The following NFIA variants were observed in gnomAD, a reference collection of about 807,000 sequenced individuals.
NFIA encodes nuclear factor 1 A-type.
Under a neutral mutation model 62.8 loss-of-function variants are expected in NFIA, and 8 were observed. The ratio of observed to expected loss-of-function variants is 0.13; its 90% CI spans 0.07 to 0.23. The LOEUF is 0.23. NFIA is among the 10% of genes least tolerant of loss of function. NFIA has a pLI of 1.00. For missense variants in NFIA, 410 were observed against 642.1 expected (o/e 0.64, Z 3.91); for synonymous variants, 235 against 238.1 (o/e 0.99, Z 0.12).
At chr1:61,444,442 G>A (rs1018571790) in intron 10 of NFIA, among the ~76,000 whole-genome samples, 2 of 152,114 alleles carry the variant, frequency 1.3e-5, no homozygotes, top group South Asian at 4.1e-4. Context: ...CCTTCACCAA[G>A]CCTTGGAAAC....
intron 2 of NFIA, among the ~76,000 whole-genome samples, chr1:61,135,061 CAG>C (rs1171017876): frequency 1.3e-5 from 2 of 152,170 alleles, no homozygotes; most frequent in Non-Finnish European, 2.9e-5. Context: ...TTTTTTCTAT[CAG>C]AATTCTTAAA....
In NFIA at chr1:61,459,477, T is replaced by A. The variant is rs1668445361; in HGVS notation, c.*4157T>A. On this transcript the variant is annotated 3_prime_UTR_variant, in exon 11 of 11. Transcript: ENST00000403491. ...CTCTTTCCTCTGAGGTTTGAACTGA[T>A]GTTCTGTGTCTTCACACCCTGGCAT... 6.6e-6 allele frequency: 1 copy of A among 152,336 alleles called. No individual in the cohort carries two copies. 9.4% of individuals were successfully genotyped at this position (152,336 alleles called of 1,614,324 possible).
intron 2 of NFIA, among the ~76,000 whole-genome samples, chr1:61,251,837 A>AGAATTT (rs373269038): frequency 1.3e-3 from 197 of 152,346 alleles, no homozygotes; most frequent in African/African-American, 4.5e-3. Context: ...AATAGAGTTC[A>AGAATTT]GAATTTGAAA....
In NFIA at chr1:61,328,895, G is replaced by A. The variant is rs1441808551; in HGVS notation, c.626-3617G>A. On this transcript the variant is annotated intron_variant, in intron 3 of 10. Coordinates refer to ENST00000403491, the MANE Select transcript of NFIA (RefSeq NM_001134673.4). ...ACGTCACTACAGCCGGCTAATTTTT[G>A]TATTTTTAGTAGAGACAGGGTTTCA... is the stretch of plus-strand genomic sequence containing the variant. 3.4e-5 allele frequency among the ~76,000 whole-genome samples: 5 copies of A among 148,694 alleles called. No individual in the cohort carries two copies. The Admixed American group carries it at 3.4e-4, about 10-fold the overall frequency.
At chr1:61,139,910 T>A (rs2100503827) in intron 2 of NFIA, among the ~76,000 whole-genome samples, 1 of 148,286 alleles carries the variant, frequency 6.7e-6, no homozygotes, top group African/African-American at 2.5e-5. Context: ...AAAGTTGGTA[T>A]CTGCTAATGG....
intron 2 of NFIA, among the ~76,000 whole-genome samples, chr1:61,116,801 C>T (rs763275668): frequency 1.1e-4 from 17 of 152,106 alleles, no homozygotes; most frequent in Non-Finnish European, 2.4e-4. Context: ...ATGGAGTATT[C>T]TAAATGAGCA....
intron 10 of NFIA, 74 bp from the exon 11 acceptor site, chr1:61,455,229 T>G: frequency 1.3e-6 from 2 of 1,551,932 alleles, no homozygotes; most frequent in Non-Finnish European, 1.8e-6. Flanking sequence ...GATTTCGTGG[T>G]TGAAAAGGCA....
chr1:61,339,702 C>A (rs1376897031), intron 4 of NFIA, among the ~76,000 whole-genome samples: 1 of 152,124 alleles, frequency 6.6e-6, no homozygotes, highest in African/African-American at 2.4e-5. Flanking sequence ...AAGCTGGCAG[C>A]AAGTGCAATG....
Position 61,436,889 on chromosome 1 carries a change from C to T in NFIA, c.1512+10333C>T, listed in dbSNP as rs116302507. On this transcript the variant is annotated intron_variant, in intron 10 of 10. Coordinates refer to ENST00000403491, the MANE Select transcript of NFIA (RefSeq NM_001134673.4). The stretch of plus-strand genomic sequence containing the variant: ...TAATTGGCTTTTCACTTTCCAAACG[C>T]TTTACACATTTAACTAATGAGTCAC... Among the ~76,000 whole-genome samples, 650 of 152,304 alleles carry T rather than the reference C, an allele frequency of 4.3e-3. 3 individuals carry two copies. The highest frequency in any genetic ancestry group is 0.014 in the African/African-American group (599 of 41,558).
At chr1:61,268,813 T>G (rs1304994400) in intron 2 of NFIA, among the ~76,000 whole-genome samples, 1 of 152,146 alleles carries the variant, frequency 6.6e-6, no homozygotes, top group Non-Finnish European at 1.5e-5. Context: ...TGTCATCTGA[T>G]CCATGGCTTG....
At position 61,201,194 on chromosome 1, in the gene NFIA, C is replaced by T. The variant is rs147448549; in HGVS notation, c.560-76326C>T. The stretch of plus-strand genomic sequence containing the variant: ...CCCTGATAGCGTAAAGAATCAGTAT[C>T]TTTTATCCTATCTATGGAAAATATA... On this transcript the variant is annotated intron_variant, in intron 2 of 10. Transcript: ENST00000403491. Among the ~76,000 whole-genome samples the T allele has an allele frequency of 9.9e-3, 1,510 of 152,230 alleles. 16 individuals are homozygous for T. The highest frequency in any genetic ancestry group is 0.058 in the Middle Eastern group (17 of 292).
At chr1:61,374,131 T>C (rs1272783042) in intron 6 of NFIA, among the ~76,000 whole-genome samples, 1 of 152,166 alleles carries the variant, frequency 6.6e-6, no homozygotes, top group Non-Finnish European at 1.5e-5. Context: ...GCCAAACATA[T>C]GTATGATTGA....
At chr1:61,247,579 G>T (rs1432105685) in intron 2 of NFIA, among the ~76,000 whole-genome samples, 1 of 152,148 alleles carries the variant, frequency 6.6e-6, no homozygotes, top group East Asian at 1.9e-4. Context: ...TGCTCTTGAT[G>T]CCACACTTAA....
intron 3 of NFIA, among the ~76,000 whole-genome samples, chr1:61,309,821 G>A (rs540635692): frequency 3.3e-5 from 5 of 152,098 alleles, no homozygotes; most frequent in Non-Finnish European, 5.9e-5. Flanking sequence ...CCCAGGAGGC[G>A]GAGGTTGCAG....
intron 6 of NFIA, among the ~76,000 whole-genome samples, chr1:61,368,369 C>G (rs1444874436): frequency 2.0e-5 from 3 of 152,090 alleles, no homozygotes; most frequent in African/African-American, 7.2e-5. Context: ...TTCATTCCAA[C>G]CACAGCAATC....
At chr1:61,383,716 G>A (rs1184430691) in intron 7 of NFIA, among the ~76,000 whole-genome samples, 1 of 152,212 alleles carries the variant, frequency 6.6e-6, no homozygotes, top group Non-Finnish European at 1.5e-5. Context: ...GTGCGCACAT[G>A]CGCGTGCACA....
rs960078074 is a variant in NFIA, at chr1:61,191,395, G to T, written c.560-86125G>T. Among the ~76,000 whole-genome samples the T allele has an allele frequency of 2.0e-5, 3 of 151,998 alleles. No individual in the cohort carries two copies. In the East Asian group the frequency reaches 5.8e-4, roughly 29 times the overall value. The stretch of plus-strand genomic sequence containing the variant: ...ACCTGAGTGGATAAATGCTAAACGG[G>T]ATTTGCTTTCCGGAGAATCTGGGTG... On this transcript the variant is annotated intron_variant, in intron 2 of 10. Transcript: ENST00000403491.
chr1:61,267,522 A>AG (rs1242534566), intron 2 of NFIA, among the ~76,000 whole-genome samples: 1 of 152,148 alleles, frequency 6.6e-6, no homozygotes, highest in Non-Finnish European at 1.5e-5. Flanking sequence ...AAAAAAAAAA[A>AG]TTGGATACTT....
At chr1:61,374,858 G>T (rs1043247452) in intron 6 of NFIA, among the ~76,000 whole-genome samples, 1 of 152,076 alleles carries the variant, frequency 6.6e-6, no homozygotes, top group Admixed American at 6.5e-5. Flanking sequence ...CATTTTTATT[G>T]ACTGAAAAAG....
Sources: gnomAD v4.1 joint callset for allele counts (sites outside exome capture counted in the v4.1 genomes callset) on GRCh38, gnomAD v4.1.1 for gene constraint, MANE v1.5 for transcripts, NCBI Gene and HGNC (gene_info 2026-07-23, HGNC 2026-07-21) for gene names.